Variants in VPS37B observed in about 807,000 individuals in gnomAD.
VPS37B encodes the protein vacuolar protein sorting-associated protein 37B.
VPS37B carries 11 observed loss-of-function variants against 21.2 expected under a neutral mutation model. The observed-to-expected ratio is 0.52, with a 90% CI of 0.33 to 0.86. VPS37B has a LOEUF of 0.86. Ranked by LOEUF, VPS37B falls within the 40% of genes least tolerant of loss-of-function variation. The pLI, the probability that VPS37B is intolerant of heterozygous loss-of-function variation, is 0.03. For synonymous variants in VPS37B, 175 were observed against 159.6 expected (o/e 1.10, Z -0.73); for missense variants, 389 against 374.8 (o/e 1.04, Z -0.31).
In VPS37B at chr12:122,868,430, C is replaced by G; in HGVS notation, c.366+50G>C. The G allele has an allele frequency of 1.3e-6, 2 of 1,562,038 alleles. No individual in the cohort carries two copies. Among genetic ancestry groups the G allele is most frequent in the Non-Finnish European group, 1.8e-6 (2 of 1,142,534 alleles). On this transcript the variant is annotated intron_variant, in intron 3 of 3. Coordinates refer to ENST00000267202, the MANE Select transcript of VPS37B (RefSeq NM_024667.3). The surrounding 1 kb of genome is among the most constrained non-coding windows in gnomAD (Gnocchi z 5.5). ...ACGGTCCCTGGAGGCAGCGGGCCCA[C>G]GGACTGCCCAAAGCGCCCCAAGGAT...
intron 1 of VPS37B, chr12:122,888,969 G>C (rs1346693266): frequency 5.4e-6 from 1 of 184,356 alleles, no homozygotes; most frequent in Non-Finnish European, 1.2e-5. Context: ...CCTCCCTCCT[G>C]CACCCCCACT....
intron 1 of VPS37B, chr12:122,881,759 A>G (rs1445506338): frequency 1.3e-5 from 2 of 152,202 alleles, no homozygotes; most frequent in East Asian, 1.9e-4. Context: ...CTCTATTTTC[A>G]TGTTATAACA....
intron 1 of VPS37B, among the ~76,000 whole-genome samples, chr12:122,893,059 C>CAAAA (rs11429369): frequency 2.2e-5 from 3 of 139,228 alleles, no homozygotes; most frequent in Non-Finnish European, 4.6e-5. Flanking sequence ...GATCCTTTCT[C>CAAAA]AAAAAAAAAA....
chr12:122,869,792 G>C (rs2033986545), intron 2 of VPS37B, among the ~76,000 whole-genome samples: 1 of 152,076 alleles, frequency 6.6e-6, no homozygotes, highest in Admixed American at 6.5e-5. Context: ...GCCCAGGCTG[G>C]AGTACAGGGC....
rs1299401153 is a variant in VPS37B at position 122,865,924 on chromosome 12, CGGTT to C, written c.*1188_*1191del. On this transcript the variant is annotated 3_prime_UTR_variant, in exon 4 of 4. Transcript: ENST00000267202. ...GGGGTGGGGGAAGAGCAGGTGCAGACGGTTGGAGTGCAGCCCCGTCCCTCAATCC... is the reference window on the plus strand; with the variant it reads ...GGGGTGGGGGAAGAGCAGGTGCAGACGGAGTGCAGCCCCGTCCCTCAATCC... 2 of 152,530 alleles carry C rather than the reference CGGTT, an allele frequency of 1.3e-5. No individual in the cohort carries two copies. Among genetic ancestry groups the C allele is most frequent in the African/African-American group, 4.8e-5 (2 of 41,596 alleles). 9.4% of individuals were successfully genotyped at this position (152,530 alleles called of 1,614,324 possible).
At chr12:122,895,447 C>A (rs2034478004) in intron 1 of VPS37B, among the ~76,000 whole-genome samples, 1 of 150,524 alleles carries the variant, frequency 6.6e-6, no homozygotes, top group South Asian at 2.1e-4. Flanking sequence ...CCCTCAGTCA[C>A]CCCTAATCCT....
chr12:122,867,108 G>A lies in VPS37B; in HGVS notation c.*8C>T, dbSNP rs750349526. ...GAAGAAGTCTCCCGGGAAGGACCGCGCCGGCGCTCACTGGAGGATGAAACC... is the reference window on the plus strand; with the variant it reads ...GAAGAAGTCTCCCGGGAAGGACCGCACCGGCGCTCACTGGAGGATGAAACC... On this transcript the variant is annotated 3_prime_UTR_variant, in exon 4 of 4. Transcript: ENST00000267202. The surrounding 1 kb of genome is among the most constrained non-coding windows in gnomAD (Gnocchi z 5.5). 21 of 1,518,314 alleles carry A rather than the reference G, an allele frequency of 1.4e-5. No individual in the cohort carries two copies. Among genetic ancestry groups the A allele is most frequent in the Middle Eastern group, 2.1e-4 (1 of 4,712 alleles). The allele number at this position is 1,518,314 out of a possible 1,614,324, so 94.1% of individuals were successfully genotyped here.
chr12:122,867,763 G>C lies in VPS37B; in HGVS notation c.367-156C>G, dbSNP rs1347913774. ...CCTCGCTCCTGCTCCAGATCCCAGA[G>C]GTCATGGGCTCAGGCTTCAGCATGA... On this transcript the variant is annotated intron_variant, in intron 3 of 3. Transcript: ENST00000267202. The surrounding 1 kb of genome is among the most constrained non-coding windows in gnomAD (Gnocchi z 5.5). 6.6e-6 allele frequency among the ~76,000 whole-genome samples: 1 copy of C among 152,150 alleles called. No homozygotes were observed. The highest frequency in any genetic ancestry group is 2.4e-5 in the African/African-American group (1 of 41,418).
rs1338852877 is a variant in VPS37B at position 122,870,803 on chromosome 12, A to C, written c.283+87T>G. ...CTATCTTAACCTGAAATTTTTCCGTAATATTTCTTTCCTGGTAGGGCAATA... is the reference window on the plus strand; with the variant it reads ...CTATCTTAACCTGAAATTTTTCCGTCATATTTCTTTCCTGGTAGGGCAATA... On this transcript the variant is annotated intron_variant, in intron 2 of 3. Coordinates refer to ENST00000267202, the MANE Select transcript of VPS37B (RefSeq NM_024667.3). The C allele has an allele frequency of 2.1e-6, 3 of 1,444,340 alleles. No individual in the cohort carries two copies. The East Asian group carries it at 6.9e-5, about 33-fold the overall frequency. The allele number at this position is 1,444,340 out of a possible 1,614,324, so 89.5% of individuals were successfully genotyped here.
chr12:122,886,743 G>GCTT (rs2034335592), intron 1 of VPS37B: 1 of 152,150 alleles, frequency 6.6e-6, no homozygotes, highest in African/African-American at 2.4e-5. Context: ...CACAGTAACA[G>GCTT]CTTCCACTTA....
chr12:122,888,627 G>C (rs1458092241), intron 1 of VPS37B: 2 of 455,808 alleles, frequency 4.4e-6, no homozygotes, highest in Non-Finnish European at 4.4e-6. Context: ...CTCTGCATAC[G>C]ACCGACCGGT....
At position 122,868,401 on chromosome 12, in the gene VPS37B, A is replaced by T; in HGVS notation, c.366+79T>A. ...CCACTCCTGGCCGTGGCGGTGTGGCACTCACGGTCCCTGGAGGCAGCGGGC... is the reference window on the plus strand; with the variant it reads ...CCACTCCTGGCCGTGGCGGTGTGGCTCTCACGGTCCCTGGAGGCAGCGGGC... On this transcript the variant is annotated intron_variant, in intron 3 of 3. Coordinates refer to ENST00000267202, the MANE Select transcript of VPS37B (RefSeq NM_024667.3). The surrounding 1 kb of genome is among the most constrained non-coding windows in gnomAD (Gnocchi z 5.5). The T allele has an allele frequency of 7.4e-7, 1 of 1,351,476 alleles. No individual in the cohort carries two copies. Among genetic ancestry groups the T allele is most frequent in the Non-Finnish European group, 1.0e-6 (1 of 961,754 alleles). 83.7% of individuals were successfully genotyped at this position (1,351,476 alleles called of 1,614,324 possible).
intron 1 of VPS37B, among the ~76,000 whole-genome samples, chr12:122,890,536 CA>C (rs2034398277): frequency 6.6e-6 from 1 of 152,138 alleles, no homozygotes; most frequent in Non-Finnish European, 1.5e-5. Context: ...CCATATTGCC[CA>C]GACTGGTCTC....
intron 1 of VPS37B, chr12:122,887,714 C>T (rs571733183): frequency 1.3e-5 from 2 of 152,352 alleles, no homozygotes; most frequent in Admixed American, 1.3e-4. Flanking sequence ...CTGCATGATC[C>T]TAAATGATGA....
chr12:122,871,057 T>G lies in VPS37B; in HGVS notation c.116A>C (p.Gln39Pro), dbSNP rs2034021833. ...TEMVQKMEET[Q>P]NVQLNKEMTL... ...CATTTCTTTGTTAAGCTGAACATTC[T>G]GTGTCTGCAAGGAACACACAAGATG... Residue 39 changes from glutamine to proline, a missense_variant, in exon 2 of 4, where the codon CAG becomes CCG. Physicochemically the swap from Gln to Pro is moderately conservative, Grantham distance 76. Coordinates refer to ENST00000267202, the MANE Select transcript of VPS37B (RefSeq NM_024667.3). 6 of 1,614,096 alleles carry G rather than the reference T, an allele frequency of 3.7e-6. No individual in the cohort carries two copies. Among genetic ancestry groups the G allele is most frequent in the Non-Finnish European group, 4.2e-6 (5 of 1,179,998 alleles).
chr12:122,884,503 GA>G (rs1384280080), intron 1 of VPS37B: 4 of 152,130 alleles, frequency 2.6e-5, no homozygotes, highest in African/African-American at 2.4e-5. Flanking sequence ...TGAAATCATA[GA>G]ACTATTGTAA....
At chr12:122,884,836 T>C (rs2034298793) in intron 1 of VPS37B, 2 of 152,234 alleles carry the variant, frequency 1.3e-5, no homozygotes, top group South Asian at 4.1e-4. Flanking sequence ...TTTCTGGAAA[T>C]TCATGTCTAA....
intron 1 of VPS37B, among the ~76,000 whole-genome samples, chr12:122,895,152 G>A (rs941858680): frequency 6.6e-5 from 10 of 151,958 alleles, no homozygotes; most frequent in Non-Finnish European, 1.5e-4. Flanking sequence ...ACCTTACCCT[G>A]GCTATGGTAT....
In VPS37B at chr12:122,867,941, G is replaced by A. The variant is rs905721567; in HGVS notation, c.367-334C>T. On this transcript the variant is annotated intron_variant, in intron 3 of 3. Coordinates refer to ENST00000267202, the MANE Select transcript of VPS37B (RefSeq NM_024667.3). This position sits in a 1 kb window ranked among gnomAD's most constrained non-coding sequence, Gnocchi z 5.5. ...GTCCAACACCTCCTTGCTTCCACCC[G>A]GCTGCACCCTGACTGACAGACTCGC... Among the ~76,000 whole-genome samples the A allele has an allele frequency of 2.0e-5, 3 of 149,266 alleles. No individual in the cohort carries two copies. The highest frequency in any genetic ancestry group is 6.6e-5 in the Admixed American group (1 of 15,250).
Sources: allele counts gnomAD v4.1 joint callset (sites outside exome capture counted in the v4.1 genomes callset), GRCh38; gene constraint gnomAD v4.1.1; non-coding constraint Gnocchi (gnomAD v3.1); transcripts MANE v1.5; gene names NCBI Gene and HGNC (gene_info 2026-07-23, HGNC 2026-07-21).